The following PPM1A variants were observed in gnomAD, a reference collection of about 807,000 sequenced individuals.
The protein encoded by PPM1A is protein phosphatase, Mg2+/Mn2+ dependent 1A, also known as protein phosphatase 1A.
Under a neutral mutation model 35.0 loss-of-function variants are expected in PPM1A, and 7 were observed. That is an observed-to-expected ratio of 0.20 (90% confidence interval 0.11 to 0.38). The LOEUF (loss-of-function observed/expected upper bound fraction) is 0.38. Ranked by LOEUF, PPM1A falls within the 10% of genes least tolerant of loss-of-function variation. The pLI, the probability that PPM1A is intolerant of heterozygous loss-of-function variation, is 1.00. For missense variants in PPM1A, 239 were observed against 467.8 expected (o/e 0.51, Z 4.51); for synonymous variants, 153 against 167.3 (o/e 0.91, Z 0.66).
At chr14:60,281,585 A>G (rs946527383) in intron 1 of PPM1A, among the ~76,000 whole-genome samples, 3 of 152,158 alleles carry the variant, frequency 2.0e-5, no homozygotes, top group Non-Finnish European at 4.4e-5. Flanking sequence ...ATCTCTGTTC[A>G]TCATGCTATC....
chr14:60,260,382 A>G (rs1259067575), intron 1 of PPM1A, among the ~76,000 whole-genome samples: 1 of 152,092 alleles, frequency 6.6e-6, no homozygotes, highest in African/African-American at 2.4e-5. Context: ...AGAAATTTTC[A>G]GGTAACTTTT....
At chr14:60,255,250 C>G (rs1264530797) in intron 1 of PPM1A, among the ~76,000 whole-genome samples, 2 of 147,254 alleles carry the variant, frequency 1.4e-5, no homozygotes, top group Non-Finnish European at 3.0e-5. Context: ...CGGCTCACTG[C>G]AAGCTCCGCC....
intron 1 of PPM1A, among the ~76,000 whole-genome samples, chr14:60,278,339 C>CTT (rs36059694): frequency 2.6e-3 from 365 of 139,028 alleles, no homozygotes; most frequent in South Asian, 0.015. Context: ...CTCCCAGTTT[C>CTT]TTTTTTTTTT....
At chr14:60,276,330 T>C (rs962151379) in intron 1 of PPM1A, among the ~76,000 whole-genome samples, 20 of 152,172 alleles carry the variant, frequency 1.3e-4, no homozygotes, top group Admixed American at 1.2e-3. Flanking sequence ...AGTCTCTCAC[T>C]ATATATTTTT....
chr14:60,259,750 T>C (rs1883533875), intron 1 of PPM1A, among the ~76,000 whole-genome samples: 1 of 152,114 alleles, frequency 6.6e-6, no homozygotes, highest in Non-Finnish European at 1.5e-5. Flanking sequence ...AGTATTTTGC[T>C]TGTACTATAA....
Position 60,282,608 on chromosome 14 carries a change from C to A in PPM1A, c.-20-76C>A, listed in dbSNP as rs1201939924. ...TGTGAATTCCCGCATATCTCTTTCA[C>A]TTATTAAAAAGATTGTTTGGTACAT... is the stretch of plus-strand genomic sequence containing the variant. On this transcript the variant is annotated intron_variant, in intron 1 of 5. Transcript: ENST00000395076. The surrounding 1 kb of genome is among the most constrained non-coding windows in gnomAD (Gnocchi z 5.1). 1 of 1,512,122 alleles carries A rather than the reference C, an allele frequency of 6.6e-7. No individual in the cohort carries two copies. The highest frequency in any genetic ancestry group is 1.4e-5 in the African/African-American group (1 of 72,016). 93.7% of individuals were successfully genotyped at this position (1,512,122 alleles called of 1,614,324 possible).
chr14:60,261,351 G>T (rs1883722827), intron 1 of PPM1A, among the ~76,000 whole-genome samples: 1 of 152,110 alleles, frequency 6.6e-6, no homozygotes, highest in Non-Finnish European at 1.5e-5. Flanking sequence ...AGGCAAAGAT[G>T]TTATAAAACA....
intron 2 of PPM1A, among the ~76,000 whole-genome samples, chr14:60,284,310 TC>T (rs1886708416): frequency 6.6e-6 from 1 of 152,204 alleles, no homozygotes; most frequent in South Asian, 2.1e-4. Context: ...AACGAATTGT[TC>T]AACCTCTCTC....
chr14:60,275,268 G>A (rs902351816), intron 1 of PPM1A, among the ~76,000 whole-genome samples: 3 of 151,558 alleles, frequency 2.0e-5, no homozygotes, highest in African/African-American at 7.3e-5. Flanking sequence ...AAGGATACAG[G>A]ATAGCACATG....
chr14:60,250,148 A>T (rs1882208332), intron 1 of PPM1A, among the ~76,000 whole-genome samples: 1 of 152,080 alleles, frequency 6.6e-6, no homozygotes, highest in Non-Finnish European at 1.5e-5. Context: ...AACCGGGCTT[A>T]GCCTCGAAAA....
chr14:60,257,484 T>C (rs1883267441), intron 1 of PPM1A, among the ~76,000 whole-genome samples: 1 of 152,218 alleles, frequency 6.6e-6, no homozygotes, highest in African/African-American at 2.4e-5. Context: ...TCACTTTAAA[T>C]TTAGGCTGGT....
rs1305225523 is a variant in PPM1A at position 60,249,442 on chromosome 14, T to G, written c.-256T>G. On this transcript the variant is annotated 5_prime_UTR_variant, in exon 1 of 6. Coordinates refer to ENST00000395076, the MANE Select transcript of PPM1A (RefSeq NM_021003.5). The surrounding 1 kb of genome is among the most constrained non-coding windows in gnomAD (Gnocchi z 4.5). The stretch of plus-strand genomic sequence containing the variant: ...CCTCCTCCTTCTCCGGGACCCGCTC[T>G]CTGCCTCCCTCTCCAACGCCCGGAT... 8.1e-6 allele frequency: 8 copies of G among 984,856 alleles called. No individual in the cohort carries two copies. The African/African-American group carries it at 1.2e-4, about 15-fold the overall frequency. The allele number at this position is 984,856 out of a possible 1,614,324, so 61.0% of individuals were successfully genotyped here.
At chr14:60,291,264 C>A in intron 4 of PPM1A, 133 bp from the exon 5 acceptor site, 1 of 558,552 alleles carries the variant, frequency 1.8e-6, no homozygotes, top group Non-Finnish European at 2.9e-6. Flanking sequence ...TCACTATTGA[C>A]AGCAAGAAAT....
chr14:60,282,380 A>G lies in PPM1A; in HGVS notation c.-20-304A>G, dbSNP rs1339509618. On this transcript the variant is annotated intron_variant, in intron 1 of 5. Transcript: ENST00000395076. The surrounding 1 kb of genome is among the most constrained non-coding windows in gnomAD (Gnocchi z 5.1). ...TGAGCTTACACATGTTCATTGTATC[A>G]TTAAACATTTAGCCTGGTTGGTTTA... Among the ~76,000 whole-genome samples, 1 of 151,966 alleles carries G rather than the reference A, an allele frequency of 6.6e-6. No homozygotes were observed. The highest frequency in any genetic ancestry group is 2.4e-5 in the African/African-American group (1 of 41,224).
rs141589790 is a variant in PPM1A at position 60,260,455 on chromosome 14, A to C, written c.-21+10778A>C. On this transcript the variant is annotated intron_variant, in intron 1 of 5. Coordinates refer to ENST00000395076, the MANE Select transcript of PPM1A (RefSeq NM_021003.5). ...TTTTATACTGCTATGTATAATCCAT[A>C]GTCACGTTTTTTAACCTTTTTATAT... Among the ~76,000 whole-genome samples, 1,274 of 152,218 alleles carry C rather than the reference A, an allele frequency of 8.4e-3. 21 individuals carry two copies. The highest frequency in any genetic ancestry group is 0.034 in the East Asian group (178 of 5,192).
intron 2 of PPM1A, among the ~76,000 whole-genome samples, chr14:60,285,273 C>G (rs1489306826): frequency 6.6e-6 from 1 of 152,152 alleles, no homozygotes; most frequent in Non-Finnish European, 1.5e-5. Context: ...TGTGTGTACA[C>G]ATGTATATTT....
Position 60,296,395 on chromosome 14 carries a change from A to G in PPM1A, c.*3913A>G. 1 of 191,644 alleles carries G rather than the reference A, an allele frequency of 5.2e-6. No homozygotes were observed. The allele number at this position is 191,644 out of a possible 1,614,324, so 11.9% of individuals were successfully genotyped here. ...GTTCAAACTCAGCTGTTTGTACAGTATTGTATTAGGATTTGGTATTAGAAA... is the reference window on the plus strand; with the variant it reads ...GTTCAAACTCAGCTGTTTGTACAGTGTTGTATTAGGATTTGGTATTAGAAA... On this transcript the variant is annotated 3_prime_UTR_variant, in exon 6 of 6. Transcript: ENST00000395076. This position sits in a 1 kb window ranked among gnomAD's most constrained non-coding sequence, Gnocchi z 4.4.
chr14:60,245,865 A>C (rs1264863134), upstream of PPM1A: 2 of 1,591,978 alleles, frequency 1.3e-6, no homozygotes, highest in Non-Finnish European at 1.7e-6. This position sits in a 1 kb window ranked among gnomAD's most constrained non-coding sequence, Gnocchi z 4.2. Flanking sequence ...GTTCTGGGAG[A>C]AAATGGGTAG....
Position 60,283,724 on chromosome 14 carries a change from C to G in PPM1A, c.834+187C>G, listed in dbSNP as rs1886641206. 6.6e-6 allele frequency among the ~76,000 whole-genome samples: 1 copy of G among 152,188 alleles called. No homozygotes were observed. Among genetic ancestry groups the G allele is most frequent in the Non-Finnish European group, 1.5e-5 (1 of 68,050 alleles). On this transcript the variant is annotated intron_variant, in intron 2 of 5. Transcript: ENST00000395076. The surrounding 1 kb of genome is among the most constrained non-coding windows in gnomAD (Gnocchi z 6.3). The stretch of plus-strand genomic sequence containing the variant: ...GAAATAAATTACCCAATTACCATCT[C>G]TGCAAGAGTTATAAGCTGAATGTTT...
Sources: allele counts gnomAD v4.1 joint callset (sites outside exome capture counted in the v4.1 genomes callset), GRCh38; gene constraint gnomAD v4.1.1; non-coding constraint Gnocchi (gnomAD v3.1); transcripts MANE v1.5; gene names NCBI Gene and HGNC (gene_info 2026-07-23, HGNC 2026-07-21).